FHIT: variants seen among roughly 807,000 people sequenced by gnomAD.
FHIT encodes the protein fragile histidine triad diadenosine triphosphatase, also known as bis(5'-adenosyl)-triphosphatase.
FHIT carries 19 observed loss-of-function variants against 17.9 expected under a neutral mutation model. The observed-to-expected ratio is 1.06, with a 90% CI of 0.74 to 1.56. The LOEUF (loss-of-function observed/expected upper bound fraction) is 1.56, where lower values mean the gene tolerates loss of function less well. Among genes scored for constraint, FHIT ranks in the 40% most tolerant of loss-of-function variants. FHIT has a pLI of 0.00. For synonymous variants in FHIT, 81 were observed against 69.7 expected, an observed-to-expected ratio of 1.16 and a Z score of -0.81; for missense variants, 248 against 189.2, an observed-to-expected ratio of 1.31 and a Z score of -1.82.
In FHIT at chr3:60,312,188, T is replaced by A. The variant is rs370330374; in HGVS notation, c.103+224672A>T. ...AAGATGGGGGTAGCCCAGGCTGGAG[T>A]GCAGTGGCATGGTCATAGCTCACTA... On this transcript the variant is annotated intron_variant, in intron 5 of 9. Coordinates refer to ENST00000492590, the MANE Select transcript of FHIT (RefSeq NM_002012.4). Among the ~76,000 whole-genome samples, 7 of 152,120 alleles carry A rather than the reference T, an allele frequency of 4.6e-5. No individual in the cohort carries two copies. The South Asian group carries it at 6.2e-4, about 14-fold the overall frequency.
intron 5 of FHIT, among the ~76,000 whole-genome samples, chr3:60,061,485 C>T (rs570891404): frequency 2.6e-5 from 4 of 152,206 alleles, no homozygotes; most frequent in South Asian, 2.1e-4. Context: ...GGGTTTTTCA[C>T]ATTCCAAAAT....
In FHIT at chr3:60,055,623, C is replaced by T. The variant is rs569524481; in HGVS notation, c.104-41471G>A. ...ACCAACATTTTCTAGGCACTGGCCACGTGGCAACCAGTGTACAAGGCATTT... is the reference window on the plus strand; with the variant it reads ...ACCAACATTTTCTAGGCACTGGCCATGTGGCAACCAGTGTACAAGGCATTT... On this transcript the variant is annotated intron_variant, in intron 5 of 9. Transcript: ENST00000492590. Among the ~76,000 whole-genome samples the T allele has an allele frequency of 7.2e-5, 11 of 152,230 alleles. No individual in the cohort carries two copies. In the South Asian group the frequency reaches 1.0e-3, roughly 14 times the overall value.
chr3:60,361,865 C>G (rs527404889), intron 5 of FHIT, among the ~76,000 whole-genome samples: 1 of 152,086 alleles, frequency 6.6e-6, no homozygotes, highest in Non-Finnish European at 1.5e-5. Context: ...TCATATCTCA[C>G]GGGAATCCAT....
At chr3:61,191,772 C>T (rs1004222966) in intron 2 of FHIT, among the ~76,000 whole-genome samples, 2 of 152,104 alleles carry the variant, frequency 1.3e-5, no homozygotes, top group Non-Finnish European at 1.5e-5. Context: ...ATGCCCTACA[C>T]ACACACATCA....
chr3:60,045,817 G>C (rs756975570), intron 5 of FHIT, among the ~76,000 whole-genome samples: 44 of 152,152 alleles, frequency 2.9e-4, no homozygotes, highest in Non-Finnish European at 5.6e-4. Context: ...AACTGAAATG[G>C]AGAATGGATA....
At chr3:60,398,673 T>TATA (rs889816865) in intron 5 of FHIT, among the ~76,000 whole-genome samples, 1 of 152,176 alleles carries the variant, frequency 6.6e-6, no homozygotes, top group African/African-American at 2.4e-5. Flanking sequence ...TGATACTTAG[T>TATA]AAATTACACA....
chr3:60,018,183 G>C (rs113436108), intron 5 of FHIT, among the ~76,000 whole-genome samples: 4,069 of 152,272 alleles, frequency 0.027, 110 homozygotes, highest in South Asian at 0.13. Context: ...CATATGGTGA[G>C]AAAGGAGGCA....
At chr3:60,020,617 G>C (rs1380400787) in intron 5 of FHIT, among the ~76,000 whole-genome samples, 1 of 152,170 alleles carries the variant, frequency 6.6e-6, no homozygotes, top group Non-Finnish European at 1.5e-5. Context: ...GTGTAGTTTA[G>C]TGATAAGCAA....
At chr3:60,217,929 TTTAA>T (rs1218307912) in intron 5 of FHIT, among the ~76,000 whole-genome samples, 1 of 152,220 alleles carries the variant, frequency 6.6e-6, no homozygotes, top group African/African-American at 2.4e-5. Context: ...AACAACTGTA[TTTAA>T]TTAACATATT....
At chr3:59,790,865 T>TAATG (rs1553678127) in intron 8 of FHIT, among the ~76,000 whole-genome samples, 1 of 152,216 alleles carries the variant, frequency 6.6e-6, no homozygotes, top group African/African-American at 2.4e-5. Flanking sequence ...AACTTTTTTT[T>TAATG]AATGAATGAA....
intron 5 of FHIT, among the ~76,000 whole-genome samples, chr3:60,093,675 T>C (rs1703823033): frequency 1.3e-5 from 2 of 152,180 alleles, no homozygotes; most frequent in African/African-American, 2.4e-5. Context: ...GCAGCAGCAT[T>C]CATTTCTCAC....
intron 5 of FHIT, among the ~76,000 whole-genome samples, chr3:60,514,473 C>T (rs1284721283): frequency 6.6e-6 from 1 of 152,116 alleles, no homozygotes; most frequent in African/African-American, 2.4e-5. Context: ...AGGGAGCTCC[C>T]GTTTCACTGG....
intron 3 of FHIT, among the ~76,000 whole-genome samples, chr3:61,024,502 G>C (rs1055874964): frequency 1.3e-5 from 2 of 151,920 alleles, no homozygotes; most frequent in African/African-American, 2.4e-5. Context: ...GCTTCTGTTT[G>C]GCTTTTCTTT....
At chr3:60,918,630 G>C (rs1458385550) in intron 3 of FHIT, among the ~76,000 whole-genome samples, 3 of 152,196 alleles carry the variant, frequency 2.0e-5, no homozygotes, top group Non-Finnish European at 4.4e-5. Flanking sequence ...AAGGAAACCA[G>C]GAGGAAGAAG....
chr3:60,992,987 A>C (rs1171119418), intron 3 of FHIT, among the ~76,000 whole-genome samples: 1 of 152,218 alleles, frequency 6.6e-6, no homozygotes, highest in Non-Finnish European at 1.5e-5. Context: ...ATGCAAAGTC[A>C]TTAAGTCCCA....
intron 5 of FHIT, among the ~76,000 whole-genome samples, chr3:60,224,702 T>TTTTTATTTTATTTTATTTTA (rs144912388): frequency 7.0e-5 from 10 of 142,300 alleles, no homozygotes; most frequent in African/African-American, 2.4e-4. Flanking sequence ...CTCACCAGGA[T>TTTTTATTTTATTTTATTTTA]TTTTATTTTA....
At chr3:60,490,298 GCT>G (rs1366949555) in intron 5 of FHIT, among the ~76,000 whole-genome samples, 1 of 151,876 alleles carries the variant, frequency 6.6e-6, no homozygotes, top group Non-Finnish European at 1.5e-5. Context: ...CATCGTTACT[GCT>G]TCAAAATAAA....
At chr3:60,506,060 C>G (rs2034716084) in intron 5 of FHIT, among the ~76,000 whole-genome samples, 1 of 152,132 alleles carries the variant, frequency 6.6e-6, no homozygotes, top group Non-Finnish European at 1.5e-5. Flanking sequence ...GTCTTATTTT[C>G]TTTCAATTAA....
intron 5 of FHIT, among the ~76,000 whole-genome samples, chr3:60,286,204 G>T (rs1707721161): frequency 6.6e-6 from 1 of 152,168 alleles, no homozygotes; most frequent in African/African-American, 2.4e-5. Flanking sequence ...ACACCACAAT[G>T]AACTAGAAAT....
Sources: gnomAD v4.1 joint callset for allele counts (sites outside exome capture counted in the v4.1 genomes callset) on GRCh38, gnomAD v4.1.1 for gene constraint, MANE v1.5 for transcripts, NCBI Gene and HGNC (gene_info 2026-07-23, HGNC 2026-07-21) for gene names.